TPO: variants seen among roughly 807,000 people sequenced by gnomAD.
TPO encodes thyroid peroxidase, also known as thyroid microsomal antigen.
In TPO, 78 loss-of-function variants were observed where a neutral mutation model predicts 96.9. That is an observed-to-expected ratio of 0.81 (90% CI 0.67 to 0.97). The LOEUF is 0.97. TPO is among the 50% of genes least tolerant of loss of function. The pLI, the probability that TPO is intolerant of heterozygous loss-of-function variation, is 0.00. For synonymous variants in TPO, 547 were observed against 538.0 expected, an observed-to-expected ratio of 1.02 and a Z score of -0.23; for missense variants, 1,252 against 1,274.8, an observed-to-expected ratio of 0.98 and a Z score of 0.27.
At chr2:1,527,700 A>C (rs1573570022) in intron 15 of TPO, among the ~76,000 whole-genome samples, 2 of 89,572 alleles carry the variant, frequency 2.2e-5, no homozygotes, top group Admixed American at 1.4e-4. Flanking sequence ...GTGGGCAACC[A>C]CACAAAATCC....
chr2:1,388,285 T>C (rs1661934462), intron 1 of TPO, among the ~76,000 whole-genome samples: 1 of 152,206 alleles, frequency 6.6e-6, no homozygotes, highest in African/African-American at 2.4e-5. Flanking sequence ...TGCCTTTTGT[T>C]TGTCTGTGCC....
At chr2:1,450,374 A>AG (rs1249929466) in intron 5 of TPO, among the ~76,000 whole-genome samples, 1 of 152,148 alleles carries the variant, frequency 6.6e-6, no homozygotes, top group Non-Finnish European at 1.5e-5. Context: ...TGCCTGGGAG[A>AG]GGGGAACTAG....
chr2:1,391,576 A>G (rs1459393979), intron 1 of TPO, among the ~76,000 whole-genome samples: 3 of 152,094 alleles, frequency 2.0e-5, no homozygotes, highest in East Asian at 3.9e-4. Context: ...CTTGATGGGG[A>G]TGGCATTGAA....
chr2:1,436,511 C>A (rs1665587993), intron 5 of TPO, 127 bp downstream of exon 5: 3 of 1,442,140 alleles, frequency 2.1e-6, no homozygotes, highest in South Asian at 2.4e-5. Flanking sequence ...TGGTTCCTGT[C>A]CTTGGCCTCC....
At chr2:1,496,361 G>A (rs566465867) in intron 12 of TPO, among the ~76,000 whole-genome samples, 164 bp downstream of exon 12, 11 of 151,718 alleles carry the variant, frequency 7.3e-5, no homozygotes, top group South Asian at 4.2e-4. Context: ...GGGGCGGGGC[G>A]GGGCCCTTCT....
At chr2:1,480,824 C>CCT (rs1558339135) in intron 8 of TPO, among the ~76,000 whole-genome samples, 225 of 133,740 alleles carry the variant, frequency 1.7e-3, no homozygotes, top group African/African-American at 5.7e-3. Context: ...CACACCACGT[C>CCT]CCTGCTGCTG....
chr2:1,381,963 A>G (rs1387283852), intron 1 of TPO, among the ~76,000 whole-genome samples: 1 of 152,204 alleles, frequency 6.6e-6, no homozygotes, highest in East Asian at 1.9e-4. Context: ...ACATAAACGC[A>G]GCTGTAAATT....
chr2:1,508,812 T>C (rs929249849), intron 14 of TPO, among the ~76,000 whole-genome samples: 1 of 152,168 alleles, frequency 6.6e-6, no homozygotes, highest in African/African-American at 2.4e-5. Context: ...GTCTATCAAT[T>C]TTGTTGATCT....
intron 14 of TPO, chr2:1,512,351 G>T: frequency 1.0e-6 from 1 of 978,770 alleles, no homozygotes; most frequent in Non-Finnish European, 1.2e-6. Context: ...TCTTTGCTAA[G>T]GAATCCTCCT....
At chr2:1,540,775 G>C (rs765891941) in intron 16 of TPO, 52 bp downstream of exon 16, 1 of 1,613,062 alleles carries the variant, frequency 6.2e-7, no homozygotes. Flanking sequence ...TGGTTGGACA[G>C]GATCTGGGTG....
In TPO at chr2:1,477,204, C is replaced by T. The variant is rs929014692; in HGVS notation, c.938C>T (p.Pro313Leu). 7 of 1,609,844 alleles carry T rather than the reference C, an allele frequency of 4.3e-6. No homozygotes were observed. The African/African-American group carries it at 5.3e-5, about 12-fold the overall frequency. The change falls in exon 8 of 17, where the codon CCG becomes CTG. Residue 313 changes from proline (P) to leucine (L), a missense_variant. Transcript: ENST00000329066. The stretch of plus-strand genomic sequence containing the variant: ...TTTGGGAACCTGTCCACGGCCAACC[C>T]GCGGCAGCAGATGAACGGGTTGACC... Reference protein sequence around the residue: ...ALFGNLSTANPRQQMNGLTSF... With the variant: ...ALFGNLSTANLRQQMNGLTSF...
At chr2:1,515,965 T>C (rs566003352) in intron 14 of TPO, among the ~76,000 whole-genome samples, 1 of 152,282 alleles carries the variant, frequency 6.6e-6, no homozygotes, top group Admixed American at 6.5e-5. Context: ...TCATCTTGGA[T>C]TTCTCCTCGG....
intron 5 of TPO, among the ~76,000 whole-genome samples, chr2:1,442,855 A>T (rs1314027481): frequency 1.3e-5 from 2 of 152,242 alleles, no homozygotes; most frequent in African/African-American, 4.8e-5. Context: ...GTGATTGATT[A>T]TGTAAATAAT....
At chr2:1,378,634 G>A (rs1034271617) in intron 1 of TPO, among the ~76,000 whole-genome samples, 17 of 152,226 alleles carry the variant, frequency 1.1e-4, no homozygotes, top group Non-Finnish European at 7.3e-5. Context: ...CCTCCAGGGC[G>A]ACTGCGACTC....
At chr2:1,526,908 A>C in intron 15 of TPO, among the ~76,000 whole-genome samples, 1 of 135,402 alleles carries the variant, frequency 7.4e-6, no homozygotes, top group East Asian at 2.4e-4. Flanking sequence ...CGGTGTGTGC[A>C]ACCTCCCCAA....
At chr2:1,505,730 C>G (rs765625646) in intron 14 of TPO, among the ~76,000 whole-genome samples, 16 of 151,914 alleles carry the variant, frequency 1.1e-4, no homozygotes, top group Non-Finnish European at 1.8e-4. Flanking sequence ...AGTTCCTCCC[C>G]TCATCCTCCA....
chr2:1,533,175 A>C (rs1573621769), intron 15 of TPO, among the ~76,000 whole-genome samples: 1 of 58,800 alleles, frequency 1.7e-5, no homozygotes, highest in African/African-American at 9.8e-5. Flanking sequence ...CAACCTTCCC[A>C]AATCCCCCCA....
intron 1 of TPO, among the ~76,000 whole-genome samples, chr2:1,392,908 T>C (rs1226441183): frequency 6.6e-6 from 1 of 152,098 alleles, no homozygotes; most frequent in African/African-American, 2.4e-5. Flanking sequence ...CTTAAACAGA[T>C]ACTTAGGATG....
rs1553321276 is a variant in TPO, at chr2:1,493,209, T to TTGGG, written c.1769-593_1769-592insTGGG. ...ATTTGTGTGTGTGTGTGTGAGTGGG[T>TTGGG]GGGGGGGGGGGTGCTGGCTTCTGTG... On this transcript the variant is annotated intron_variant, in intron 10 of 16. Transcript: ENST00000329066. Among the ~76,000 whole-genome samples, 4 of 17,534 alleles carry TTGGG rather than the reference T, an allele frequency of 2.3e-4. 1 individual carries two copies. The highest frequency in any genetic ancestry group is 7.3e-4 in the Admixed American group (1 of 1,376). The allele number at this position is 17,534 out of a possible 152,430, so 11.5% of individuals were successfully genotyped here.
Sources: gnomAD v4.1 joint callset for allele counts (sites outside exome capture counted in the v4.1 genomes callset) on GRCh38, gnomAD v4.1.1 for gene constraint, MANE v1.5 for transcripts, NCBI Gene and HGNC (gene_info 2026-07-23, HGNC 2026-07-21) for gene names.